ATE1: variants seen among roughly 807,000 people sequenced by gnomAD.
ATE1 encodes arginyl-tRNA--protein transferase 1.
In ATE1, 36 loss-of-function variants were observed where a neutral mutation model predicts 70.5. That is an observed-to-expected ratio of 0.51 (90% CI 0.39 to 0.67). The LOEUF (loss-of-function observed/expected upper bound fraction) is 0.67, where lower values mean the gene tolerates loss of function less well. Among genes scored for constraint, ATE1 ranks in the 30% least tolerant of loss-of-function variants. The pLI is 0.00. For missense variants in ATE1, 593 were observed against 629.5 expected (o/e 0.94, Z 0.62); for synonymous variants, 232 against 219.3 (o/e 1.06, Z -0.51).
At chr10:121,754,754 CT>C (rs1332897137) in intron 11 of ATE1, among the ~76,000 whole-genome samples, 1 of 152,202 alleles carries the variant, frequency 6.6e-6, no homozygotes, top group Non-Finnish European at 1.5e-5. Context: ...TTACCAATTA[CT>C]TATTAACATG....
Position 121,909,419 on chromosome 10 carries a change from T to A in ATE1, c.583+1487A>T, listed in dbSNP as rs551027085. ...ATTAAGAAATTTTCTTCAAGTATAA[T>A]AATGGTATTGTGAATATTTTTTTTA... On this transcript the variant is annotated intron_variant, in intron 5 of 11. Coordinates refer to ENST00000224652, the MANE Select transcript of ATE1 (RefSeq NM_001001976.3). Among the ~76,000 whole-genome samples, 3 of 152,328 alleles carry A rather than the reference T, an allele frequency of 2.0e-5. No individual in the cohort carries two copies. In the East Asian group the frequency reaches 5.8e-4, roughly 29 times the overall value.
At chr10:121,757,279 C>T (rs776380557) in intron 11 of ATE1, among the ~76,000 whole-genome samples, 4 of 152,296 alleles carry the variant, frequency 2.6e-5, no homozygotes, top group African/African-American at 7.2e-5. Flanking sequence ...ATATGGCTTT[C>T]GGGCCTTTGG....
intron 7 of ATE1, among the ~76,000 whole-genome samples, chr10:121,871,260 T>A (rs1949846930): frequency 6.6e-6 from 1 of 151,310 alleles, no homozygotes; most frequent in African/African-American, 2.4e-5. Context: ...GGAGTTCGAG[T>A]CGAGCCTGGC....
intron 5 of ATE1, among the ~76,000 whole-genome samples, chr10:121,906,582 CA>C (rs113241921): frequency 0.44 from 64,080 of 145,904 alleles, 14,771 homozygotes; most frequent in South Asian, 0.53. Context: ...TTGCAGGTTC[CA>C]AAAAAAAAAA....
intron 10 of ATE1, among the ~76,000 whole-genome samples, chr10:121,832,781 T>C (rs1456254772): frequency 2.0e-5 from 3 of 152,226 alleles, no homozygotes; most frequent in Admixed American, 1.3e-4. Context: ...ACTCTGCCAT[T>C]GGCCTCTAAG....
At chr10:121,842,487 C>A (rs942561521) in intron 8 of ATE1, among the ~76,000 whole-genome samples, 1 of 151,772 alleles carries the variant, frequency 6.6e-6, no homozygotes, top group African/African-American at 2.4e-5. Flanking sequence ...AAAATGAGAA[C>A]AGGTTGAATA....
intron 9 of ATE1, among the ~76,000 whole-genome samples, chr10:121,837,133 T>C (rs949564598): frequency 2.0e-5 from 3 of 152,218 alleles, no homozygotes; most frequent in Non-Finnish European, 4.4e-5. Flanking sequence ...TCATGCCCTA[T>C]GGTTCTCAAA....
At chr10:121,775,885 T>C (rs1484694349) in intron 11 of ATE1, among the ~76,000 whole-genome samples, 4 of 152,218 alleles carry the variant, frequency 2.6e-5, no homozygotes, top group Non-Finnish European at 5.9e-5. Context: ...ATGAGATGTC[T>C]AGTTAGTAAT....
At chr10:121,806,815 C>T (rs1590350882) in intron 10 of ATE1, among the ~76,000 whole-genome samples, 3 of 152,300 alleles carry the variant, frequency 2.0e-5, no homozygotes, top group South Asian at 4.1e-4. Context: ...CTGGTGACTT[C>T]AGGTGAACGT....
chr10:121,882,011 G>T (rs1590617798), intron 7 of ATE1, among the ~76,000 whole-genome samples: 1 of 152,038 alleles, frequency 6.6e-6, no homozygotes, highest in Non-Finnish European at 1.5e-5. Flanking sequence ...GCCCAGGATG[G>T]TCTCAAACTC....
chr10:121,886,736 T>C (rs1950411671), intron 7 of ATE1, among the ~76,000 whole-genome samples: 1 of 152,218 alleles, frequency 6.6e-6, no homozygotes, highest in African/African-American at 2.4e-5. Flanking sequence ...TTAACTCTTG[T>C]TTATATCAAT....
At chr10:121,784,493 C>T (rs1946126688) in intron 11 of ATE1, among the ~76,000 whole-genome samples, 1 of 152,106 alleles carries the variant, frequency 6.6e-6, no homozygotes, top group Non-Finnish European at 1.5e-5. Flanking sequence ...TCTTTTTAAA[C>T]CAAGAGTCAT....
At chr10:121,778,716 C>T (rs1945852725) in intron 11 of ATE1, among the ~76,000 whole-genome samples, 1 of 151,976 alleles carries the variant, frequency 6.6e-6, no homozygotes, top group Admixed American at 6.6e-5. Context: ...ACTCTCCTGC[C>T]TCAGCCTCCT....
At chr10:121,793,655 T>A (rs78396459) in intron 10 of ATE1, among the ~76,000 whole-genome samples, 2,526 of 152,310 alleles carry the variant, frequency 0.017, 33 homozygotes, top group African/African-American at 0.038. Flanking sequence ...AGTTGGCCCA[T>A]TTTATTGTTA....
intron 10 of ATE1, among the ~76,000 whole-genome samples, chr10:121,797,846 T>G (rs73362466): frequency 0.15 from 22,953 of 152,164 alleles, 1,907 homozygotes; most frequent in Non-Finnish European, 0.18. Context: ...AGCCCACCTA[T>G]CCTCCCTACC....
intron 11 of ATE1, among the ~76,000 whole-genome samples, chr10:121,776,069 G>A (rs1945726103): frequency 6.6e-6 from 1 of 152,146 alleles, no homozygotes; most frequent in African/African-American, 2.4e-5. Context: ...TACCCATAAA[G>A]GGGGATATGT....
intron 10 of ATE1, among the ~76,000 whole-genome samples, chr10:121,828,692 G>C (rs1590410290): frequency 6.6e-6 from 1 of 152,308 alleles, no homozygotes; most frequent in Admixed American, 6.5e-5. Context: ...AGCATGCACA[G>C]ACAGGGATGA....
chr10:121,811,111 A>C (rs1590362160), intron 10 of ATE1, among the ~76,000 whole-genome samples: 1 of 152,376 alleles, frequency 6.6e-6, no homozygotes, highest in East Asian at 1.9e-4. Context: ...TTGCTGTTAA[A>C]TTTACTGAAA....
At chr10:121,841,019 C>A in intron 9 of ATE1, 63 bp downstream of exon 9, 3 of 1,290,868 alleles carry the variant, frequency 2.3e-6, no homozygotes, top group African/African-American at 1.5e-5. Context: ...TAAATATAAT[C>A]AAATGAGTAA....
Sources: allele counts gnomAD v4.1 joint callset (sites outside exome capture counted in the v4.1 genomes callset), GRCh38; gene constraint gnomAD v4.1.1; transcripts MANE v1.5; gene names NCBI Gene and HGNC (gene_info 2026-07-23, HGNC 2026-07-21).